MARK1: variants seen among roughly 807,000 people sequenced by gnomAD.
MARK1 encodes the protein microtubule affinity regulating kinase 1.
A neutral mutation model predicts 96.3 loss-of-function variants in MARK1; 40 were observed. The observed-to-expected ratio is 0.42, with a 90% confidence interval of 0.32 to 0.54. MARK1 has a LOEUF of 0.54. Ranked by LOEUF, MARK1 falls within the 20% of genes least tolerant of loss-of-function variation. MARK1 has a pLI of 0.16. For synonymous variants in MARK1, 317 were observed against 341.2 expected (o/e 0.93, Z 0.78); for missense variants, 719 against 984.6 (o/e 0.73, Z 3.61).
At chr1:220,538,895 T>G (rs1572042515) in intron 1 of MARK1, among the ~76,000 whole-genome samples, 1 of 149,480 alleles carries the variant, frequency 6.7e-6, no homozygotes, top group Admixed American at 6.6e-5. Flanking sequence ...ATAAGAATGC[T>G]TGTGATTTTT....
At chr1:220,600,858 T>C (rs1174146007) in intron 5 of MARK1, among the ~76,000 whole-genome samples, 1 of 151,878 alleles carries the variant, frequency 6.6e-6, no homozygotes, top group African/African-American at 2.4e-5. Context: ...GCAACTAAAC[T>C]ATATTTATAC....
intron 6 of MARK1, among the ~76,000 whole-genome samples, chr1:220,610,455 C>CT (rs1487488163): frequency 6.6e-6 from 1 of 152,112 alleles, no homozygotes; most frequent in African/African-American, 2.4e-5. Context: ...TTCGTCTAAT[C>CT]TTTTTTCAGG....
At chr1:220,533,077 C>T (rs1297175803) in intron 1 of MARK1, among the ~76,000 whole-genome samples, 1 of 151,980 alleles carries the variant, frequency 6.6e-6, no homozygotes, top group Non-Finnish European at 1.5e-5. Context: ...AGAGGAAGAA[C>T]AGGGTATGCC....
In MARK1 at chr1:220,636,038, C is replaced by T. The variant is rs1195941712; in HGVS notation, c.1470+12C>T. The stretch of plus-strand genomic sequence containing the variant: ...CAACTATTCCAAGTGTGAGTAAATA[C>T]TCTGGTATATTGCAATTTATTGTAA... On this transcript the variant is annotated intron_variant, in intron 13 of 17. Transcript: ENST00000366917. 3.2e-6 allele frequency: 5 copies of T among 1,561,296 alleles called. No homozygotes were observed. The highest frequency in any genetic ancestry group is 4.3e-6 in the Non-Finnish European group (5 of 1,150,484).
In MARK1 at chr1:220,663,596, T is replaced by G. The variant is rs1572256763; in HGVS notation, c.*1430T>G. The G allele has an allele frequency of 6.6e-6, 1 of 152,600 alleles. No homozygotes were observed. The highest frequency in any genetic ancestry group is 2.4e-5 in the African/African-American group (1 of 41,524). The allele number at this position is 152,600 out of a possible 1,614,324, so 9.5% of individuals were successfully genotyped here. On this transcript the variant is annotated 3_prime_UTR_variant, in exon 18 of 18. Coordinates refer to ENST00000366917, the MANE Select transcript of MARK1 (RefSeq NM_018650.5). ...TCAAATTTTATCAGTTTAAAGAAAATAAAGCTGTGATAAATACTGTAATTC... is the reference window on the plus strand; with the variant it reads ...TCAAATTTTATCAGTTTAAAGAAAAGAAAGCTGTGATAAATACTGTAATTC...
intron 9 of MARK1, among the ~76,000 whole-genome samples, chr1:220,620,985 T>C (rs758838394): frequency 6.7e-4 from 102 of 152,164 alleles, no homozygotes; most frequent in Middle Eastern, 3.2e-3. Context: ...TAGTCTTCAC[T>C]TTTATTTTTC....
At chr1:220,593,738 A>G (rs531111194) in intron 3 of MARK1, among the ~76,000 whole-genome samples, 4 of 152,092 alleles carry the variant, frequency 2.6e-5, no homozygotes, top group Admixed American at 6.6e-5. Flanking sequence ...GTCAGAAGCC[A>G]AGGTAAAAAC....
intron 16 of MARK1, among the ~76,000 whole-genome samples, chr1:220,655,460 C>T (rs955090474): frequency 1.3e-5 from 2 of 152,172 alleles, no homozygotes; most frequent in African/African-American, 4.8e-5. Context: ...CTTCCCAAAC[C>T]TGTCCCTCCC....
At chr1:220,570,797 AAAAGACT>A (rs1663397446) in intron 1 of MARK1, among the ~76,000 whole-genome samples, 1 of 152,172 alleles carries the variant, frequency 6.6e-6, no homozygotes, top group Non-Finnish European at 1.5e-5. Context: ...CAAGTCAGGT[AAAAGACT>A]ACTTGTAATA....
intron 3 of MARK1, among the ~76,000 whole-genome samples, chr1:220,593,470 T>C (rs1407831263): frequency 6.6e-6 from 1 of 152,204 alleles, no homozygotes; most frequent in Admixed American, 6.5e-5. Context: ...ATTTTGGTTT[T>C]ATAGCTATAT....
At chr1:220,565,564 G>T (rs1451864871) in intron 1 of MARK1, among the ~76,000 whole-genome samples, 2 of 152,088 alleles carry the variant, frequency 1.3e-5, no homozygotes, top group Admixed American at 1.3e-4. Context: ...TATGAAGAGC[G>T]GGGGTCGGGG....
intron 3 of MARK1, among the ~76,000 whole-genome samples, chr1:220,586,907 T>C (rs183379880): frequency 6.6e-6 from 1 of 152,322 alleles, no homozygotes; most frequent in East Asian, 1.9e-4. Context: ...GGATGGGGAC[T>C]TCAAAATGTC....
intron 1 of MARK1, among the ~76,000 whole-genome samples, chr1:220,563,471 A>G (rs1662819714): frequency 6.6e-6 from 1 of 152,204 alleles, no homozygotes; most frequent in Admixed American, 6.5e-5. Flanking sequence ...AGTAAATAAG[A>G]CAGACAAGAT....
intron 1 of MARK1, among the ~76,000 whole-genome samples, chr1:220,572,346 A>G (rs565995431): frequency 6.6e-6 from 1 of 152,238 alleles, no homozygotes; most frequent in Admixed American, 6.5e-5. Context: ...GGTTCAAGCA[A>G]TTCTCCTGCC....
intron 11 of MARK1, among the ~76,000 whole-genome samples, chr1:220,634,076 T>C (rs189444511): frequency 6.6e-6 from 1 of 152,288 alleles, no homozygotes; most frequent in Admixed American, 6.5e-5. Context: ...GAATCTTTAG[T>C]GGAGACATTA....
intron 1 of MARK1, among the ~76,000 whole-genome samples, chr1:220,538,552 G>A (rs568205029): frequency 3.9e-5 from 6 of 152,184 alleles, no homozygotes; most frequent in Admixed American, 3.9e-4. Flanking sequence ...TTGGCGATGT[G>A]GGCTCTTTTT....
intron 6 of MARK1, among the ~76,000 whole-genome samples, chr1:220,608,287 G>A (rs563198239): frequency 6.6e-6 from 1 of 152,326 alleles, no homozygotes; most frequent in African/African-American, 2.4e-5. Context: ...TCTTGGAAGA[G>A]TGTATGTGTC....
At chr1:220,550,577 T>C (rs975876334) in intron 1 of MARK1, among the ~76,000 whole-genome samples, 5 of 152,214 alleles carry the variant, frequency 3.3e-5, no homozygotes, top group African/African-American at 1.2e-4. Flanking sequence ...GGTATCAAAC[T>C]CCTGGGGCTC....
At chr1:220,533,330 G>A (rs1215152541) in intron 1 of MARK1, among the ~76,000 whole-genome samples, 1 of 151,864 alleles carries the variant, frequency 6.6e-6, no homozygotes, top group Non-Finnish European at 1.5e-5. Context: ...TGTATTTAAT[G>A]TTTGTCACTT....
Sources: gnomAD v4.1 joint callset for allele counts (sites outside exome capture counted in the v4.1 genomes callset) on GRCh38, gnomAD v4.1.1 for gene constraint, MANE v1.5 for transcripts, NCBI Gene and HGNC (gene_info 2026-07-23, HGNC 2026-07-21) for gene names.